Variants in IL7R observed in about 807,000 individuals in gnomAD.
IL7R encodes interleukin 7 receptor.
Under a neutral mutation model 47.0 loss-of-function variants are expected in IL7R, and 38 were observed. The observed-to-expected ratio is 0.81, with a 90% CI of 0.62 to 1.06. The LOEUF is 1.06. Ranked by LOEUF, IL7R falls within the 50% of genes least tolerant of loss-of-function variation. The probability of loss-of-function intolerance (pLI) is 0.00; values close to 1 mark genes in which losing one functional copy is unlikely to be tolerated. For missense variants in IL7R, 633 were observed against 534.8 expected (o/e 1.18, Z -1.81); for synonymous variants, 221 against 199.8 (o/e 1.11, Z -0.89).
intron 2 of IL7R, among the ~76,000 whole-genome samples, chr5:35,864,664 C>T (rs932630426): frequency 6.6e-6 from 1 of 151,932 alleles, no homozygotes; most frequent in Non-Finnish European, 1.5e-5. Flanking sequence ...AGTTATTTGT[C>T]CTTTTGTTAT....
At chr5:35,862,799 T>C (rs1759851471) in intron 2 of IL7R, among the ~76,000 whole-genome samples, 1 of 152,108 alleles carries the variant, frequency 6.6e-6, no homozygotes, top group Non-Finnish European at 1.5e-5. Context: ...CACACATACT[T>C]TCCTTACAAA....
chr5:35,879,496 C>T lies in IL7R; in HGVS notation c.*3010C>T, dbSNP rs914556490. ...CTACAGTGAAGATCTCTGATTTAACCGTGTACTATCCACATGCATTACAAA... is the reference window on the plus strand; with the variant it reads ...CTACAGTGAAGATCTCTGATTTAACTGTGTACTATCCACATGCATTACAAA... On this transcript the variant is annotated 3_prime_UTR_variant, in exon 8 of 8. Transcript: ENST00000303115. The T allele has an allele frequency of 4.3e-6, 1 of 231,580 alleles. No individual in the cohort carries two copies. The highest frequency in any genetic ancestry group is 8.5e-6 in the Non-Finnish European group (1 of 117,104). The allele number at this position is 231,580 out of a possible 1,614,324, so 14.3% of individuals were successfully genotyped here. A position where few individuals can be genotyped will look rare whatever the true frequency, so the allele number is the denominator to read the frequency against.
chr5:35,859,916 G>A (rs190381870), intron 1 of IL7R, among the ~76,000 whole-genome samples: 3 of 150,970 alleles, frequency 2.0e-5, no homozygotes, highest in African/African-American at 7.3e-5. Flanking sequence ...TCAGGTCCCA[G>A]TGGGTGTATA....
At chr5:35,857,602 A>G (rs11567694) in intron 1 of IL7R, among the ~76,000 whole-genome samples, 37,418 of 152,020 alleles carry the variant, frequency 0.25, 4,803 homozygotes, top group Non-Finnish European at 0.27. Flanking sequence ...TAGTTTTGAG[A>G]GATTTATGTG....
rs974637886 is a variant in IL7R, at chr5:35,876,692, C to G, written c.*206C>G. The G allele has an allele frequency of 1.6e-6, 1 of 615,120 alleles. No homozygotes were observed. Among genetic ancestry groups the G allele is most frequent in the East Asian group, 2.8e-5 (1 of 35,984 alleles). The allele number at this position is 615,120 out of a possible 1,614,324, so 38.1% of individuals were successfully genotyped here. On this transcript the variant is annotated 3_prime_UTR_variant, in exon 8 of 8. Coordinates refer to ENST00000303115, the MANE Select transcript of IL7R (RefSeq NM_002185.5). ...ATGAGTCAAGAGCATCCTGCTTCTA[C>G]CATGTGGATTTGGTCACAAGGTTTA...
chr5:35,864,579 A>C (rs1333140681), intron 2 of IL7R, among the ~76,000 whole-genome samples: 1 of 152,142 alleles, frequency 6.6e-6, no homozygotes, highest in African/African-American at 2.4e-5. Flanking sequence ...TTGTCAAATA[A>C]CAAATGTTGA....
Position 35,867,311 on chromosome 5 carries a change from C to T in IL7R, c.227C>T (p.Ala76Val), listed in dbSNP as rs755030275. 4 of 1,613,400 alleles carry T rather than the reference C, an allele frequency of 2.5e-6. No homozygotes were observed. In the Admixed American group the frequency reaches 5.0e-5, roughly 20 times the overall value. Reference sequence around the variant, plus strand: ...TCCCCTTTTTATTCCTACAGTGGGGCCCTCGTGGAGGTAAAGTGCCTGAAT... The same window carrying T: ...TCCCCTTTTTATTCCTACAGTGGGGTCCTCGTGGAGGTAAAGTGCCTGAAT... ...ITNLEFEICG[A>V]LVEVKCLNFR... Residue 76 changes from alanine (A) to valine (V), a missense_variant, in exon 3 of 8, where the codon GCC (alanine) becomes GTC (valine). Ala to Val is a moderately conservative substitution (Grantham distance 64). Coordinates refer to ENST00000303115, the MANE Select transcript of IL7R (RefSeq NM_002185.5).
intron 4 of IL7R, 70 bp downstream of exon 4, chr5:35,871,283 C>A (rs2149902021): frequency 7.7e-7 from 1 of 1,303,970 alleles, no homozygotes; most frequent in Non-Finnish European, 1.1e-6. Context: ...CCTAGTAGTG[C>A]ATTTCCCCTG....
At position 35,871,116 on chromosome 5, in the gene IL7R, T is replaced by C. The variant is rs765765854; in HGVS notation, c.440T>C (p.Val147Ala). ...TATCGGGAAGGAGCCAATGACTTTG[T>C]GGTGACATTTAATACATCACACTTG... The part of the protein sequence containing the change: ...VVYREGANDF[V>A]VTFNTSHLQK... The change falls in exon 4 of 8, where the codon GTG becomes GCG. Residue 147 changes from valine (V) to alanine (A), a missense_variant. Val to Ala is a moderately conservative substitution (Grantham distance 64). Transcript: ENST00000303115. 11 of 1,612,134 alleles carry C rather than the reference T, an allele frequency of 6.8e-6. No individual in the cohort carries two copies. The Admixed American group carries it at 1.8e-4, about 27-fold the overall frequency.
chr5:35,866,796 C>G (rs1184365847), intron 2 of IL7R, among the ~76,000 whole-genome samples: 1 of 151,940 alleles, frequency 6.6e-6, no homozygotes, highest in Admixed American at 6.6e-5. Flanking sequence ...CTTAACCACT[C>G]TTGTTAGGGT....
chr5:35,869,052 G>A (rs1292700732), intron 3 of IL7R, among the ~76,000 whole-genome samples: 1 of 152,140 alleles, frequency 6.6e-6, no homozygotes, highest in Non-Finnish European at 1.5e-5. Flanking sequence ...GGACAAGCAG[G>A]AAGAGAGGTG....
chr5:35,867,309 G>A lies in IL7R; in HGVS notation c.225G>A (p.Gly75=). The change falls in exon 3 of 8, where the codon GGG becomes GGA. Residue 75 remains glycine, a synonymous_variant. Transcript: ENST00000303115. ...TATCCCCTTTTTATTCCTACAGTGG[G>A]GCCCTCGTGGAGGTAAAGTGCCTGA... The part of the protein sequence containing the change: ...NITNLEFEIC[G]ALVEVKCLNF... 6.2e-7 allele frequency: 1 copy of A among 1,613,426 alleles called. No individual in the cohort carries two copies. The highest frequency in any genetic ancestry group is 8.5e-7 in the Non-Finnish European group (1 of 1,179,502).
At chr5:35,872,754 C>A (rs1760101171) in intron 4 of IL7R, among the ~76,000 whole-genome samples, 1 of 151,536 alleles carries the variant, frequency 6.6e-6, no homozygotes, top group African/African-American at 2.4e-5. Flanking sequence ...ACACAATAAT[C>A]AAAAATCAAA....
At chr5:35,870,744 T>C (rs1346307753) in intron 3 of IL7R, among the ~76,000 whole-genome samples, 2 of 152,172 alleles carry the variant, frequency 1.3e-5, no homozygotes, top group Non-Finnish European at 2.9e-5. Context: ...CTCCACCGTC[T>C]GTAATGCAGG....
At position 35,875,966 on chromosome 5, in the gene IL7R, C is replaced by G. The variant is rs1760195020; in HGVS notation, c.877-17C>G. The G allele has an allele frequency of 6.2e-7, 1 of 1,608,310 alleles. No individual in the cohort carries two copies. On this transcript the variant is annotated splice_polypyrimidine_tract_variant and intron_variant, in intron 7 of 7. Coordinates refer to ENST00000303115, the MANE Select transcript of IL7R (RefSeq NM_002185.5). ...CTCTGGTGCCATCTTAATACCCTTT[C>G]TCCTTTTTCTGTGCAGAATTTAAAT... is the stretch of plus-strand genomic sequence containing the variant.
intron 4 of IL7R, among the ~76,000 whole-genome samples, chr5:35,872,847 T>C (rs1024975527): frequency 5.3e-5 from 8 of 151,822 alleles, no homozygotes; most frequent in African/African-American, 1.9e-4. Flanking sequence ...AGGACTCTTA[T>C]AAATCATTAA....
chr5:35,871,193 A>C lies in IL7R; in HGVS notation c.517A>C (p.Lys173Gln), dbSNP rs749945425. Reference protein sequence around the residue: ...LMHDVAYRQEKDENKWTHVNL... With the variant: ...LMHDVAYRQEQDENKWTHVNL... Reference sequence around the variant, plus strand: ...GCACGATGTAGCTTACCGCCAGGAAAAGGATGAAAACAAATGGACGGTATG... The same window carrying C: ...GCACGATGTAGCTTACCGCCAGGAACAGGATGAAAACAAATGGACGGTATG... The change falls in exon 4 of 8, where the codon AAG becomes CAG. Residue 173 changes from lysine to glutamine, a missense_variant. Physicochemically the swap from Lys to Gln is moderately conservative, Grantham distance 53 (BLOSUM62 1). Transcript: ENST00000303115. The C allele has an allele frequency of 6.2e-7, 1 of 1,612,794 alleles. No homozygotes were observed.
intron 4 of IL7R, among the ~76,000 whole-genome samples, chr5:35,871,638 G>A (rs937454082): frequency 1.3e-5 from 2 of 152,164 alleles, no homozygotes; most frequent in Admixed American, 1.3e-4. Flanking sequence ...AAAGAAAAGA[G>A]GCATAATGTT....
intron 4 of IL7R, chr5:35,873,136 C>T: frequency 3.2e-6 from 1 of 308,402 alleles, no homozygotes; most frequent in South Asian, 3.6e-5. Context: ...GCTCACTAAC[C>T]TAACCTAACC....
Sources: gnomAD v4.1 joint callset for allele counts (sites outside exome capture counted in the v4.1 genomes callset) on GRCh38, gnomAD v4.1.1 for gene constraint, MANE v1.5 for transcripts, NCBI Gene and HGNC (gene_info 2026-07-23, HGNC 2026-07-21) for gene names.